Variants in PRPF3 observed in about 807,000 individuals in gnomAD.
The protein encoded by PRPF3 is U4/U6 small nuclear ribonucleoprotein Prp3.
PRPF3 carries 3 observed loss-of-function variants against 89.2 expected under a neutral mutation model. The ratio of observed to expected loss-of-function variants is 0.03; its 90% CI spans 0.02 to 0.09. PRPF3 has a LOEUF of 0.09. Ranked by LOEUF, PRPF3 falls within the 10% of genes least tolerant of loss-of-function variation. The pLI, the probability that PRPF3 is intolerant of heterozygous loss-of-function variation, is 1.00. For missense variants in PRPF3, 463 were observed against 828.8 expected (o/e 0.56, Z 5.42); for synonymous variants, 270 against 289.1 (o/e 0.93, Z 0.67).
chr1:150,331,029 T>C (rs1275721786), intron 4 of PRPF3, among the ~76,000 whole-genome samples: 1 of 151,092 alleles, frequency 6.6e-6, no homozygotes, highest in African/African-American at 2.4e-5. Context: ...TAATTTTTCA[T>C]TTTATTTTAT....
In PRPF3 at chr1:150,348,460, A is replaced by ATTTTTTT. The variant is rs1185909509; in HGVS notation, c.1844-684_1844-678dup. The stretch of plus-strand genomic sequence containing the variant: ...AAAAAATATTTTGTTCTACACGTGC[A>ATTTTTTT]TTTTTTTTTTTTTTTTTTTGAGATG... On this transcript the variant is annotated intron_variant, in intron 14 of 15. Coordinates refer to ENST00000324862, the MANE Select transcript of PRPF3 (RefSeq NM_004698.4). Among the ~76,000 whole-genome samples the ATTTTTTT allele has an allele frequency of 1.4e-4, 7 of 48,464 alleles. 1 individual carries two copies. Among genetic ancestry groups the ATTTTTTT allele is most frequent in the African/African-American group, 2.7e-4 (3 of 11,206 alleles). 31.8% of individuals were successfully genotyped at this position (48,464 alleles called of 152,430 possible).
intron 7 of PRPF3, among the ~76,000 whole-genome samples, chr1:150,336,002 T>A (rs1297554320): frequency 6.7e-6 from 1 of 150,052 alleles, no homozygotes; most frequent in Non-Finnish European, 1.5e-5. Flanking sequence ...ACTCCTGACC[T>A]TGTGATCTGC....
intron 4 of PRPF3, chr1:150,329,788 T>G (rs782753668): frequency 1.3e-4 from 20 of 152,236 alleles, no homozygotes; most frequent in African/African-American, 4.8e-4. Flanking sequence ...GTGTGAGATG[T>G]TCTCTCTGTC....
At chr1:150,350,210 T>C (rs1167780782) in intron 15 of PRPF3, among the ~76,000 whole-genome samples, 3 of 147,296 alleles carry the variant, frequency 2.0e-5, no homozygotes, top group African/African-American at 7.6e-5. Flanking sequence ...CATTTCTTTT[T>C]TTTTTTTTTT....
chr1:150,323,363 GAC>G (rs1413216042), intron 1 of PRPF3, among the ~76,000 whole-genome samples: 2 of 151,690 alleles, frequency 1.3e-5, no homozygotes, highest in Non-Finnish European at 2.9e-5. Context: ...TTTTAGTAGA[GAC>G]AGGTGCAGTG....
At chr1:150,322,184 A>G (rs992281042) in intron 1 of PRPF3, among the ~76,000 whole-genome samples, 1 of 152,182 alleles carries the variant, frequency 6.6e-6, no homozygotes, top group Non-Finnish European at 1.5e-5. Context: ...CAAATTGCTT[A>G]TACTTTCTAG....
At chr1:150,346,342 C>T (rs1264671387) in intron 13 of PRPF3, 66 bp from the exon 14 acceptor site, 1 of 1,491,560 alleles carries the variant, frequency 6.7e-7, no homozygotes, top group Non-Finnish European at 9.4e-7. Context: ...AATGTCTGAG[C>T]TCAGAGGTTC....
At chr1:150,342,916 A>T (rs1216377901) in intron 9 of PRPF3, among the ~76,000 whole-genome samples, 1 of 152,118 alleles carries the variant, frequency 6.6e-6, no homozygotes, top group African/African-American at 2.4e-5. Flanking sequence ...CCATCCTCCC[A>T]CCTTGGCCTA....
At position 150,348,460 on chromosome 1, in the gene PRPF3, A is replaced by ATTTTTGTTTTTTTTTTTT. The variant is rs1658532195; in HGVS notation, c.1844-692_1844-691insGTTTTTTTTTTTTTTTTT. On this transcript the variant is annotated intron_variant, in intron 14 of 15. Coordinates refer to ENST00000324862, the MANE Select transcript of PRPF3 (RefSeq NM_004698.4). ...AAAAAATATTTTGTTCTACACGTGC[A>ATTTTTGTTTTTTTTTTTT]TTTTTTTTTTTTTTTTTTTGAGATG... Among the ~76,000 whole-genome samples the ATTTTTGTTTTTTTTTTTT allele has an allele frequency of 4.1e-5, 2 of 48,464 alleles. 1 individual carries two copies. The highest frequency in any genetic ancestry group is 1.8e-4 in the African/African-American group (2 of 11,206). The allele number at this position is 48,464 out of a possible 152,430, so 31.8% of individuals were successfully genotyped here. A position where few individuals can be genotyped will look rare whatever the true frequency, so the allele number is the denominator to read the frequency against.
intron 8 of PRPF3, among the ~76,000 whole-genome samples, chr1:150,338,686 TG>T (rs1553869024): frequency 1.3e-5 from 2 of 152,078 alleles, no homozygotes; most frequent in Non-Finnish European, 2.9e-5. Flanking sequence ...ATCTGCTTTT[TG>T]TATTTTTGAT....
At chr1:150,338,498 ATTT>A (rs1266003723) in intron 8 of PRPF3, among the ~76,000 whole-genome samples, 172 bp downstream of exon 8, 3 of 141,090 alleles carry the variant, frequency 2.1e-5, no homozygotes, top group Non-Finnish European at 3.0e-5. Context: ...AGGTCCTGTT[ATTT>A]TTTTTTTTTT....
At chr1:150,331,586 A>G (rs1472732492) in intron 4 of PRPF3, among the ~76,000 whole-genome samples, 5 of 151,268 alleles carry the variant, frequency 3.3e-5, no homozygotes, top group Non-Finnish European at 7.4e-5. Flanking sequence ...GCTGGTCTTC[A>G]GCTCCTGACC....
Position 150,346,440 on chromosome 1 carries a change from A to T in PRPF3, c.1792A>T (p.Met598Leu). ...GGCCCAGAAGAAATTTAAGCGTCTT[A>T]TGCTGCATCGGATAAAGTGGGATGA... is the stretch of plus-strand genomic sequence containing the variant. The part of the protein sequence containing the change: ...PKAQKKFKRL[M>L]LHRIKWDEQT... Residue 598 changes from methionine to leucine, a missense_variant, in exon 14 of 16, where the codon ATG becomes TTG. Physicochemically the swap from Met to Leu is conservative, Grantham distance 15. Coordinates refer to ENST00000324862, the MANE Select transcript of PRPF3 (RefSeq NM_004698.4). 3.7e-6 allele frequency: 6 copies of T among 1,614,114 alleles called. No individual in the cohort carries two copies. Among genetic ancestry groups the T allele is most frequent in the Non-Finnish European group, 5.1e-6 (6 of 1,179,996 alleles).
chr1:150,345,458 C>T, intron 12 of PRPF3: 1 of 156,618 alleles, frequency 6.4e-6, no homozygotes. Flanking sequence ...TCAAGCAATT[C>T]TCCTGCCTCA....
At chr1:150,333,642 G>A (rs1195200101) in intron 6 of PRPF3, among the ~76,000 whole-genome samples, 1 of 152,172 alleles carries the variant, frequency 6.6e-6, no homozygotes, top group Non-Finnish European at 1.5e-5. Context: ...TTTCTTAGGT[G>A]TGATTGATTA....
At chr1:150,324,823 A>G in intron 1 of PRPF3, 72 bp from the exon 2 acceptor site, 1 of 1,244,854 alleles carries the variant, frequency 8.0e-7, no homozygotes, top group Non-Finnish European at 1.1e-6. Context: ...CTGGGATTAC[A>G]GGCATGAGCC....
intron 3 of PRPF3, 33 bp downstream of exon 3, chr1:150,325,914 G>A (rs1553863641): frequency 6.2e-7 from 1 of 1,607,650 alleles, no homozygotes; most frequent in Non-Finnish European, 8.5e-7. Flanking sequence ...ATGAGCTCAG[G>A]ACTGTTTTGA....
chr1:150,353,069 G>A lies in PRPF3; in HGVS notation c.*90G>A. 3.9e-6 allele frequency: 6 copies of A among 1,550,688 alleles called. No individual in the cohort carries two copies. The South Asian group carries it at 5.6e-5, about 14-fold the overall frequency. ...TTTCCCAACCCCCTCCCACTTGTTT[G>A]TGTGATCTCAGAACTGTGCCAAGCA... On this transcript the variant is annotated 3_prime_UTR_variant, in exon 16 of 16. Coordinates refer to ENST00000324862, the MANE Select transcript of PRPF3 (RefSeq NM_004698.4).
intron 1 of PRPF3, among the ~76,000 whole-genome samples, chr1:150,323,864 C>T (rs1053671589): frequency 1.9e-4 from 28 of 147,572 alleles, no homozygotes; most frequent in African/African-American, 7.0e-4. Context: ...GCAACCTCTG[C>T]TGCCTGGGTT....
Sources: allele counts gnomAD v4.1 joint callset (sites outside exome capture counted in the v4.1 genomes callset), GRCh38; gene constraint gnomAD v4.1.1; transcripts MANE v1.5; gene names NCBI Gene and HGNC (gene_info 2026-07-23, HGNC 2026-07-21).